Variants in GIGYF1 observed in about 807,000 individuals in gnomAD.
GIGYF1 encodes GRB10-interacting GYF protein 1.
A neutral mutation model predicts 147.1 loss-of-function variants in GIGYF1; 84 were observed. The ratio of observed to expected loss-of-function variants is 0.57; its 90% confidence interval spans 0.48 to 0.68. The LOEUF (loss-of-function observed/expected upper bound fraction) is 0.68. Among genes scored for constraint, GIGYF1 ranks in the 30% least tolerant of loss-of-function variants. The pLI is 0.00. For missense variants in GIGYF1, 1,485 were observed against 1,393.7 expected (o/e 1.07, Z -1.04); for synonymous variants, 752 against 589.5 (o/e 1.28, Z -3.99).
rs1332284250 is a variant in GIGYF1, at chr7:100,680,072, C to G, written c.*1647G>C. 6.7e-6 allele frequency: 1 copy of G among 149,128 alleles called. No homozygotes were observed. Among genetic ancestry groups the G allele is most frequent in the African/African-American group, 2.5e-5 (1 of 40,102 alleles). 9.2% of individuals were successfully genotyped at this position (149,128 alleles called of 1,614,324 possible). A position where few individuals can be genotyped will look rare whatever the true frequency, so the allele number is the denominator to read the frequency against. ...AGAGAATATTGTCTTTTCAGGGACG[C>G]TAACACTGTGGGAACCAGGGAGAGG... On this transcript the variant is annotated 3_prime_UTR_variant, in exon 27 of 27. Coordinates refer to ENST00000678049, the MANE Select transcript of GIGYF1 (RefSeq NM_001375765.1).
At position 100,686,089 on chromosome 7, in the gene GIGYF1, G is replaced by C. The variant is rs759806124; in HGVS notation, c.949-10C>G. ...GCTCCTTGGGGCCCTTCTGCATGGG[G>C]CCGGGGTGGGGAGCAGAGAACAGCT... is the stretch of plus-strand genomic sequence containing the variant. On this transcript the variant is annotated splice_polypyrimidine_tract_variant and intron_variant, in intron 11 of 26. Transcript: ENST00000678049. 6.2e-7 allele frequency: 1 copy of C among 1,611,412 alleles called. No individual in the cohort carries two copies.
At position 100,686,316 on chromosome 7, in the gene GIGYF1, C is replaced by T; in HGVS notation, c.812G>A (p.Gly271Asp). ...CGEEEGRGGG[G>D]SSHLRRCRAP... ...TCGGCACCGCCGCAGGTGAGAGCTG[C>T]CTCCCCCTCCCCGCCCCTCCTCTTC... Residue 271 changes from glycine (G) to aspartate (D), a missense_variant, in exon 11 of 27, where the codon GGC becomes GAC. By Grantham distance (94) the Gly-to-Asp change is moderately conservative (BLOSUM62 -1). Coordinates refer to ENST00000678049, the MANE Select transcript of GIGYF1 (RefSeq NM_001375765.1). The T allele has an allele frequency of 6.2e-7, 1 of 1,613,730 alleles. No individual in the cohort carries two copies. The highest frequency in any genetic ancestry group is 8.5e-7 in the Non-Finnish European group (1 of 1,179,860).
In GIGYF1 at chr7:100,682,199, G is replaced by A; in HGVS notation, c.2798C>T (p.Ser933Phe). 1 of 1,613,468 alleles carries A rather than the reference G, an allele frequency of 6.2e-7. No individual in the cohort carries two copies. Among genetic ancestry groups the A allele is most frequent in the Non-Finnish European group, 8.5e-7 (1 of 1,179,924 alleles). The stretch of plus-strand genomic sequence containing the variant: ...GATATAATCGTGGACATCATAGGGG[G>A]ATTCCACCTCCTTGAGGATCGCTAC... The part of the protein sequence containing the change: ...MAVAILKEVE[S>F]PYDVHDYIRS... The change falls in exon 25 of 27, where the codon TCC (serine) becomes TTC (phenylalanine). Residue 933 changes from serine to phenylalanine, a missense_variant. Transcript: ENST00000678049.
Position 100,681,868 on chromosome 7 carries a change from G to A in GIGYF1, c.3051C>T (p.Ile1017=), listed in dbSNP as rs768081862. ...RALMLHSDPS[I]LGYSLHGSSG... is the part of the protein sequence containing the mutation. ...TCCTGCCCCAGCCCAGCTCACCCAG[G>A]ATGCTGGGGTCTGAGTGCAGCATCA... Residue 1017 remains isoleucine, a synonymous_variant, in exon 26 of 27, where the codon ATC becomes ATT. Coordinates refer to ENST00000678049, the MANE Select transcript of GIGYF1 (RefSeq NM_001375765.1). 3.1e-6 allele frequency: 5 copies of A among 1,612,602 alleles called. No individual in the cohort carries two copies. Among genetic ancestry groups the A allele is most frequent in the Non-Finnish European group, 1.7e-6 (2 of 1,179,812 alleles).
chr7:100,682,456 C>A lies in GIGYF1; in HGVS notation c.2627G>T (p.Arg876Leu), dbSNP rs1278599723. 3 of 1,613,020 alleles carry A rather than the reference C, an allele frequency of 1.9e-6. No individual in the cohort carries two copies. Among genetic ancestry groups the A allele is most frequent in the Non-Finnish European group, 2.5e-6 (3 of 1,179,968 alleles). ...TTCCTCCGTCTTTTTGCGAATGGGC[C>A]GACCCGATAGGTGGCTGTATGAGTC... is the stretch of plus-strand genomic sequence containing the variant. ...LSDSYSHLSG[R>L]PIRKKTEEEE... Residue 876 changes from arginine (R) to leucine (L), a missense_variant, in exon 24 of 27, where the codon CGG becomes CTG. Transcript: ENST00000678049.
chr7:100,684,850 C>G lies in GIGYF1; in HGVS notation c.1335G>C (p.Glu445Asp). 6.2e-7 allele frequency: 1 copy of G among 1,604,974 alleles called. No homozygotes were observed. ...LVASLQDSSLEEEQFTAAMQT... is the reference protein window; with the variant it reads ...LVASLQDSSLDEEQFTAAMQT... Reference sequence around the variant, plus strand: ...GCATGGCAGCCGTGAACTGCTCCTCCTCCAAGGAGCTGTCCTGCAGGGAGG... The same window carrying G: ...GCATGGCAGCCGTGAACTGCTCCTCGTCCAAGGAGCTGTCCTGCAGGGAGG... The change falls in exon 15 of 27, where the codon GAG (glutamate) becomes GAC (aspartate). Residue 445 changes from glutamate to aspartate, a missense_variant. Glu to Asp is a conservative substitution (Grantham distance 45). Coordinates refer to ENST00000678049, the MANE Select transcript of GIGYF1 (RefSeq NM_001375765.1).
intron 1 of GIGYF1, among the ~76,000 whole-genome samples, chr7:100,693,223 G>A (rs1316337783): frequency 6.6e-6 from 1 of 152,128 alleles, no homozygotes; most frequent in African/African-American, 2.4e-5. Context: ...GAGTCTGACC[G>A]GGAATGCGAG....
Position 100,683,859 on chromosome 7 carries a change from C to A in GIGYF1, c.1928G>T (p.Gly643Val). The change falls in exon 19 of 27, where the codon GGC (glycine) becomes GTC (valine). Residue 643 changes from glycine to valine, a missense_variant. Coordinates refer to ENST00000678049, the MANE Select transcript of GIGYF1 (RefSeq NM_001375765.1). ...MSRSLSVPDSGRLWDVHTSAS... is the reference protein window; with the variant it reads ...MSRSLSVPDSVRLWDVHTSAS... ...TGAGGTATGTACGTCCCAGAGGCGG[C>A]CCGAATCTGGCACCGACAAGGACCG... is the stretch of plus-strand genomic sequence containing the variant. 6.4e-7 allele frequency: 1 copy of A among 1,564,224 alleles called. No homozygotes were observed. The highest frequency in any genetic ancestry group is 8.7e-7 in the Non-Finnish European group (1 of 1,153,850).
Position 100,679,678 on chromosome 7 carries a change from C to G in GIGYF1, c.*2041G>C, listed in dbSNP as rs1281364546. ...AACCCCAGGAAGGGCAGGGGAGCAG[C>G]GAGGGCCCAGGAAGACCGGGGCCGG... On this transcript the variant is annotated 3_prime_UTR_variant, in exon 27 of 27. Transcript: ENST00000678049. 1 of 152,628 alleles carries G rather than the reference C, an allele frequency of 6.6e-6. No homozygotes were observed. The highest frequency in any genetic ancestry group is 1.5e-5 in the Non-Finnish European group (1 of 68,220). 9.5% of individuals were successfully genotyped at this position (152,628 alleles called of 1,614,324 possible).
Position 100,683,184 on chromosome 7 carries a change from G to C in GIGYF1, c.2240C>G (p.Ala747Gly). The change falls in exon 22 of 27, where the codon GCG becomes GGG. Residue 747 changes from alanine (A) to glycine (G), a missense_variant. Transcript: ENST00000678049. ...LLLKLLQQQQ[A>G]VPVPPAPSSP... Reference sequence around the variant, plus strand: ...GCTGGGTGCGGGGGGCACAGGGACCGCCTGCTGCTGCTGTAGCAACTTCAG... The same window carrying C: ...GCTGGGTGCGGGGGGCACAGGGACCCCCTGCTGCTGCTGTAGCAACTTCAG... 1 of 1,606,566 alleles carries C rather than the reference G, an allele frequency of 6.2e-7. No homozygotes were observed. Among genetic ancestry groups the C allele is most frequent in the Non-Finnish European group, 8.5e-7 (1 of 1,179,346 alleles).
Position 100,682,398 on chromosome 7 carries a change from A to G in GIGYF1, c.2685T>C (p.Ile895=). 6.2e-7 allele frequency: 1 copy of G among 1,613,646 alleles called. No homozygotes were observed. Among genetic ancestry groups the G allele is most frequent in the South Asian group, 1.1e-5 (1 of 91,088 alleles). The change falls in exon 24 of 27, where the codon ATT becomes ATC. Residue 895 remains isoleucine, a synonymous_variant. Coordinates refer to ENST00000678049, the MANE Select transcript of GIGYF1 (RefSeq NM_001375765.1). ...EEKLLKLLQG[I]PRPQDGFTQW... is the part of the protein sequence containing the mutation. ...GGGTGAAGCCGTCCTGGGGCCTGGG[A>G]ATGCCCTGCAGCAGCTTCAGCAGCT...
At chr7:100,685,953 G>T in intron 12 of GIGYF1, 21 bp downstream of exon 12, 3 of 1,602,670 alleles carry the variant, frequency 1.9e-6, no homozygotes, top group South Asian at 2.2e-5. Flanking sequence ...CCCCAGGCCC[G>T]CTGGGCACCC....
At position 100,681,597 on chromosome 7, in the gene GIGYF1, G is replaced by A; in HGVS notation, c.*122C>T. On this transcript the variant is annotated 3_prime_UTR_variant, in exon 27 of 27. Coordinates refer to ENST00000678049, the MANE Select transcript of GIGYF1 (RefSeq NM_001375765.1). Reference sequence around the variant, plus strand: ...GGTGCATCGTGTGTTTGTAACAAGTGCTGGGGACCCCGCCCCTGCCTCTTC... The same window carrying A: ...GGTGCATCGTGTGTTTGTAACAAGTACTGGGGACCCCGCCCCTGCCTCTTC... 4 of 822,246 alleles carry A rather than the reference G, an allele frequency of 4.9e-6. No homozygotes were observed. The highest frequency in any genetic ancestry group is 5.4e-6 in the Non-Finnish European group (3 of 552,218). 50.9% of individuals were successfully genotyped at this position (822,246 alleles called of 1,614,324 possible). A position where few individuals can be genotyped will look rare whatever the true frequency, so the allele number is the denominator to read the frequency against.
At position 100,687,743 on chromosome 7, in the gene GIGYF1, T is replaced by C. The variant is rs1401184697; in HGVS notation, c.261+45A>G. The C allele has an allele frequency of 2.1e-6, 3 of 1,463,014 alleles. No homozygotes were observed. The African/African-American group carries it at 4.9e-5, about 24-fold the overall frequency. 90.6% of individuals were successfully genotyped at this position (1,463,014 alleles called of 1,614,324 possible). On this transcript the variant is annotated intron_variant, in intron 6 of 26. Transcript: ENST00000678049. ...TCTCCTCCTAACCCAACCCATGGCC[T>C]CCCCTCCCAGGCTCCCGCAGCCTCA...
rs776503956 is a variant in GIGYF1, at chr7:100,682,671, A to T, written c.2519T>A (p.Leu840His). The T allele has an allele frequency of 6.2e-7, 1 of 1,602,658 alleles. No individual in the cohort carries two copies. The highest frequency in any genetic ancestry group is 8.5e-7 in the Non-Finnish European group (1 of 1,175,928). Residue 840 changes from leucine (L) to histidine (H), a missense_variant, in exon 23 of 27, where the codon CTC (leucine) becomes CAC (histidine). By Grantham distance (99) the Leu-to-His change is moderately conservative. Coordinates refer to ENST00000678049, the MANE Select transcript of GIGYF1 (RefSeq NM_001375765.1). ...GCCGCTCTTGGGGGTGTCCTCCCAG[A>T]GCCCCAGGCCGCTGCTGCCGCCCCC... is the stretch of plus-strand genomic sequence containing the variant. ...KSGGGSSGLG[L>H]WEDTPKSGGS...
At position 100,683,140 on chromosome 7, in the gene GIGYF1, C is replaced by A; in HGVS notation, c.2284G>T (p.Ala762Ser). The A allele has an allele frequency of 1.3e-6, 2 of 1,597,778 alleles. No individual in the cohort carries two copies. The highest frequency in any genetic ancestry group is 1.7e-6 in the Non-Finnish European group (2 of 1,176,234). ...GACAGCCCCTGCTTGGCCAGGCCAG[C>A]CCAGAGTGGGGGCGGGGAGCTGGGT... is the stretch of plus-strand genomic sequence containing the variant. ...PAPSSPPPLWAGLAKQGLSMK... is the reference protein window; with the variant it reads ...PAPSSPPPLWSGLAKQGLSMK... The change falls in exon 22 of 27, where the codon GCT (alanine) becomes TCT (serine). Residue 762 changes from alanine to serine, a missense_variant. Ala to Ser is a moderately conservative substitution (Grantham distance 99). Coordinates refer to ENST00000678049, the MANE Select transcript of GIGYF1 (RefSeq NM_001375765.1).
chr7:100,691,191 A>C (rs1212706801), intron 1 of GIGYF1, among the ~76,000 whole-genome samples: 1 of 152,212 alleles, frequency 6.6e-6, no homozygotes, highest in Non-Finnish European at 1.5e-5. Flanking sequence ...TCTGCTCCTC[A>C]GGGGGCTCTT....
intron 9 of GIGYF1, 80 bp from the exon 10 acceptor site, chr7:100,686,899 C>T: frequency 6.3e-7 from 1 of 1,597,084 alleles, no homozygotes; most frequent in Non-Finnish European, 8.6e-7. Flanking sequence ...GGGGGGCCAG[C>T]TCCAGGCCCT....
chr7:100,682,526 G>T, intron 23 of GIGYF1, 44 bp from the exon 24 acceptor site: 2 of 1,600,356 alleles, frequency 1.2e-6, no homozygotes, highest in African/African-American at 1.3e-5. Flanking sequence ...AGCTGGCAGG[G>T]GTTGGGGGGG....
Sources: allele counts gnomAD v4.1 joint callset (sites outside exome capture counted in the v4.1 genomes callset), GRCh38; gene constraint gnomAD v4.1.1; transcripts MANE v1.5; gene names NCBI Gene and HGNC (gene_info 2026-07-23, HGNC 2026-07-21).